Variants in ITPRIPL2 observed in about 807,000 individuals in gnomAD.
ITPRIPL2 encodes ITPRIP like 2.
In ITPRIPL2, 29 loss-of-function variants were observed where a neutral mutation model predicts 31.7. That is an observed-to-expected ratio of 0.91 (90% CI 0.68 to 1.25). The LOEUF (loss-of-function observed/expected upper bound fraction) is 1.25. Ranked by LOEUF, ITPRIPL2 falls within the 50% of genes most tolerant of loss-of-function variation. ITPRIPL2 has a pLI of 0.00. For synonymous variants in ITPRIPL2, 344 were observed against 343.4 expected (o/e 1.00, Z -0.02); for missense variants, 696 against 739.1 (o/e 0.94, Z 0.68).
rs1963451035 is a variant in ITPRIPL2 at position 19,116,876 on chromosome 16, A to G, written c.*807A>G. On this transcript the variant is annotated 3_prime_UTR_variant, in exon 1 of 1. Transcript: ENST00000381440. ...CAGCCAGCATGCTTGCCTAACTAACATCGCCGCAGGCCACAAGCTGGGATA... is the reference window on the plus strand; with the variant it reads ...CAGCCAGCATGCTTGCCTAACTAACGTCGCCGCAGGCCACAAGCTGGGATA... The G allele has an allele frequency of 1.8e-5, 3 of 167,126 alleles. No individual in the cohort carries two copies. Among genetic ancestry groups the G allele is most frequent in the African/African-American group, 7.2e-5 (3 of 41,478 alleles). The allele number at this position is 167,126 out of a possible 1,614,324, so 10.4% of individuals were successfully genotyped here. A position where few individuals can be genotyped will look rare whatever the true frequency, so the allele number is the denominator to read the frequency against.
chr16:19,115,003 G>T lies in ITPRIPL2; in HGVS notation c.542G>T (p.Arg181Leu), dbSNP rs749867202. ...AGCTTCGACGTGCTGGTGCCACTGCGCCTCCCGCCGCTTGTGGCGCTGGAG... is the reference window on the plus strand; with the variant it reads ...AGCTTCGACGTGCTGGTGCCACTGCTCCTCCCGCCGCTTGTGGCGCTGGAG... ...PDSFDVLVPL[R>L]LPPLVALEPR... The change falls in exon 1 of 1, where the codon CGC (arginine) becomes CTC (leucine). Residue 181 changes from arginine to leucine, a missense_variant. Physicochemically the swap from Arg to Leu is moderately radical, Grantham distance 102 (BLOSUM62 -2). Transcript: ENST00000381440. The T allele has an allele frequency of 1.3e-6, 2 of 1,598,680 alleles. No homozygotes were observed.
Position 19,118,154 on chromosome 16 carries a change from C to A in ITPRIPL2, c.*2085C>A, listed in dbSNP as rs1567551947. ...CATTGTTTACTACAGTGGGGGACAT[C>A]AAGGGTTGGAAGGATTATAAAGCTT... On this transcript the variant is annotated 3_prime_UTR_variant, in exon 1 of 1. Transcript: ENST00000381440. 1 of 166,278 alleles carries A rather than the reference C, an allele frequency of 6.0e-6. No individual in the cohort carries two copies. Among genetic ancestry groups the A allele is most frequent in the Non-Finnish European group, 1.5e-5 (1 of 67,996 alleles). The allele number at this position is 166,278 out of a possible 1,614,324, so 10.3% of individuals were successfully genotyped here.
Position 19,115,072 on chromosome 16 carries a change from G to A in ITPRIPL2, c.611G>A (p.Arg204His). ...GAGCCAGCGCTGGCCCCGGCCTTCCGCGGCTGCTTCTTGTGCGCCCTCAAG... is the reference window on the plus strand; with the variant it reads ...GAGCCAGCGCTGGCCCCGGCCTTCCACGGCTGCTTCTTGTGCGCCCTCAAG... The part of the protein sequence containing the change: ...GEEPALAPAF[R>H]GCFLCALKAP... The change falls in exon 1 of 1, where the codon CGC (arginine) becomes CAC (histidine). Residue 204 changes from arginine to histidine, a missense_variant. By Grantham distance (29) the Arg-to-His change is conservative. Coordinates refer to ENST00000381440, the MANE Select transcript of ITPRIPL2 (RefSeq NM_001034841.4). The A allele has an allele frequency of 1.3e-6, 2 of 1,599,004 alleles. No homozygotes were observed. The highest frequency in any genetic ancestry group is 1.7e-6 in the Non-Finnish European group (2 of 1,179,422).
Position 19,114,806 on chromosome 16 carries a change from G to A in ITPRIPL2, c.345G>A (p.Val115=). 6.2e-7 allele frequency: 1 copy of A among 1,610,134 alleles called. No homozygotes were observed. The highest frequency in any genetic ancestry group is 8.5e-7 in the Non-Finnish European group (1 of 1,178,780). Residue 115 remains valine, a synonymous_variant, in exon 1 of 1, where the codon GTG becomes GTA. Coordinates refer to ENST00000381440, the MANE Select transcript of ITPRIPL2 (RefSeq NM_001034841.4). ...ATGAGGTGCGCCTGTCTCCGCACGT[G>A]TTGGGCCACAGCAAGGCGCACGTGA... ...YEHEVRLSPH[V]LGHSKAHVSR...
rs1963450079 is a variant in ITPRIPL2, at chr16:19,116,809, G to A, written c.*740G>A. The A allele has an allele frequency of 6.0e-6, 1 of 167,072 alleles. No homozygotes were observed. Among genetic ancestry groups the A allele is most frequent in the African/African-American group, 2.4e-5 (1 of 41,454 alleles). The allele number at this position is 167,072 out of a possible 1,614,324, so 10.3% of individuals were successfully genotyped here. A position where few individuals can be genotyped will look rare whatever the true frequency, so the allele number is the denominator to read the frequency against. The stretch of plus-strand genomic sequence containing the variant: ...AGCACCAAGCATTGCATCTGAAAGG[G>A]AAGCCAGTTATATTTATTATTAAAT... On this transcript the variant is annotated 3_prime_UTR_variant, in exon 1 of 1. Coordinates refer to ENST00000381440, the MANE Select transcript of ITPRIPL2 (RefSeq NM_001034841.4).
In ITPRIPL2 at chr16:19,114,159, C is replaced by G. The variant is rs975394103; in HGVS notation, c.-303C>G. The G allele has an allele frequency of 1.4e-5, 5 of 363,104 alleles. No individual in the cohort carries two copies. The highest frequency in any genetic ancestry group is 1.5e-5 in the Non-Finnish European group (3 of 203,464). The allele number at this position is 363,104 out of a possible 1,614,324, so 22.5% of individuals were successfully genotyped here. Reference sequence around the variant, plus strand: ...GAGCCAGGCCGGGCCAGAAGCTGGCCGACGGCGGCGCGCGGGGGCGCCGGG... The same window carrying G: ...GAGCCAGGCCGGGCCAGAAGCTGGCGGACGGCGGCGCGCGGGGGCGCCGGG... On this transcript the variant is annotated 5_prime_UTR_variant, in exon 1 of 1. Transcript: ENST00000381440.
rs1188400220 is a variant in ITPRIPL2 at position 19,118,104 on chromosome 16, A to G, written c.*2035A>G. The G allele has an allele frequency of 6.0e-6, 1 of 166,110 alleles. No individual in the cohort carries two copies. The highest frequency in any genetic ancestry group is 2.4e-5 in the African/African-American group (1 of 41,250). 10.3% of individuals were successfully genotyped at this position (166,110 alleles called of 1,614,324 possible). On this transcript the variant is annotated 3_prime_UTR_variant, in exon 1 of 1. Transcript: ENST00000381440. Reference sequence around the variant, plus strand: ...ATTTTATATATATATATATTTCCATACTCAACCACAACTTCCTCTGTACTC... The same window carrying G: ...ATTTTATATATATATATATTTCCATGCTCAACCACAACTTCCTCTGTACTC...
At position 19,120,621 on chromosome 16, in the gene ITPRIPL2, A is replaced by T. The variant is rs1179859612; in HGVS notation, c.*4552A>T. On this transcript the variant is annotated 3_prime_UTR_variant, in exon 1 of 1. Coordinates refer to ENST00000381440, the MANE Select transcript of ITPRIPL2 (RefSeq NM_001034841.4). Reference sequence around the variant, plus strand: ...CTGGCTAATATATATATATATATATATATATTTTTTTTTTTTTTTTTTAGT... The same window carrying T: ...CTGGCTAATATATATATATATATATTTATATTTTTTTTTTTTTTTTTTAGT... 4 of 116,016 alleles carry T rather than the reference A, an allele frequency of 3.4e-5. No individual in the cohort carries two copies. Among genetic ancestry groups the T allele is most frequent in the African/African-American group, 1.6e-4 (4 of 25,632 alleles). The allele number at this position is 116,016 out of a possible 1,614,324, so 7.2% of individuals were successfully genotyped here. A position where few individuals can be genotyped will look rare whatever the true frequency, so the allele number is the denominator to read the frequency against.
chr16:19,116,023 C>G lies in ITPRIPL2; in HGVS notation c.1562C>G (p.Pro521Arg). ...GGPRYLARCPPPRSQRTQGFL... is the reference protein window; with the variant it reads ...GGPRYLARCPRPRSQRTQGFL... ...CCCCGCTACCTTGCCAGGTGCCCCC[C>G]ACCCCGGAGTCAGCGCACCCAGGGC... Residue 521 changes from proline (P) to arginine (R), a missense_variant, in exon 1 of 1, where the codon CCA becomes CGA. Pro to Arg is a moderately radical substitution (Grantham distance 103). Transcript: ENST00000381440. 6.2e-7 allele frequency: 1 copy of G among 1,608,346 alleles called. No homozygotes were observed. The highest frequency in any genetic ancestry group is 1.1e-5 in the South Asian group (1 of 90,524).
rs1312776633 is a variant in ITPRIPL2, at chr16:19,115,064, G to A, written c.603G>A (p.Pro201=). ...TGGGCGAGGAGCCAGCGCTGGCCCC[G>A]GCCTTCCGCGGCTGCTTCTTGTGCG... ...RSLGEEPALA[P]AFRGCFLCAL... is the part of the protein sequence containing the mutation. The change falls in exon 1 of 1, where the codon CCG becomes CCA. Residue 201 remains proline, a synonymous_variant. Transcript: ENST00000381440. 2.5e-6 allele frequency: 4 copies of A among 1,598,502 alleles called. No individual in the cohort carries two copies. Among genetic ancestry groups the A allele is most frequent in the Non-Finnish European group, 1.7e-6 (2 of 1,179,246 alleles).
chr16:19,120,206 C>CAACT lies in ITPRIPL2; in HGVS notation c.*4139_*4142dup. On this transcript the variant is annotated 3_prime_UTR_variant, in exon 1 of 1. Coordinates refer to ENST00000381440, the MANE Select transcript of ITPRIPL2 (RefSeq NM_001034841.4). ...AAGCGATCCTCCTGCCTCGGCCTCCCAACTAGCTGGGACCACAGGTATGTG... is the reference window on the plus strand; with the variant it reads ...AAGCGATCCTCCTGCCTCGGCCTCCCAACTAACTAGCTGGGACCACAGGTATGTG... The CAACT allele has an allele frequency of 6.2e-6, 1 of 161,520 alleles. No homozygotes were observed. Among genetic ancestry groups the CAACT allele is most frequent in the East Asian group, 1.9e-4 (1 of 5,186 alleles). The allele number at this position is 161,520 out of a possible 1,614,324, so 10.0% of individuals were successfully genotyped here. A position where few individuals can be genotyped will look rare whatever the true frequency, so the allele number is the denominator to read the frequency against.
rs960801946 is a variant in ITPRIPL2, at chr16:19,117,656, T to G, written c.*1587T>G. 2.4e-5 allele frequency: 4 copies of G among 167,038 alleles called. No individual in the cohort carries two copies. The highest frequency in any genetic ancestry group is 9.7e-5 in the African/African-American group (4 of 41,438). The allele number at this position is 167,038 out of a possible 1,614,324, so 10.3% of individuals were successfully genotyped here. A position where few individuals can be genotyped will look rare whatever the true frequency, so the allele number is the denominator to read the frequency against. On this transcript the variant is annotated 3_prime_UTR_variant, in exon 1 of 1. Coordinates refer to ENST00000381440, the MANE Select transcript of ITPRIPL2 (RefSeq NM_001034841.4). ...CTTCCTCAGACTCTTAAAGCTAAAA[T>G]TTGGAAGACAGAAATGCCTATGTGA...
Position 19,119,399 on chromosome 16 carries a change from G to T in ITPRIPL2, c.*3330G>T. 4.3e-6 allele frequency: 1 copy of T among 231,386 alleles called. No individual in the cohort carries two copies. Among genetic ancestry groups the T allele is most frequent in the Non-Finnish European group, 9.0e-6 (1 of 111,218 alleles). The allele number at this position is 231,386 out of a possible 1,614,324, so 14.3% of individuals were successfully genotyped here. A position where few individuals can be genotyped will look rare whatever the true frequency, so the allele number is the denominator to read the frequency against. On this transcript the variant is annotated 3_prime_UTR_variant, in exon 1 of 1. Transcript: ENST00000381440. ...AGAAACAGGGGTGGGAGGTGGGGGG[G>T]AAGCTGTGCCCACCTTTAAAGAGGG... is the stretch of plus-strand genomic sequence containing the variant.
Position 19,114,341 on chromosome 16 carries a change from C to T in ITPRIPL2, c.-121C>T. 1 of 748,802 alleles carries T rather than the reference C, an allele frequency of 1.3e-6. No homozygotes were observed. Among genetic ancestry groups the T allele is most frequent in the Non-Finnish European group, 1.8e-6 (1 of 546,384 alleles). The allele number at this position is 748,802 out of a possible 1,614,324, so 46.4% of individuals were successfully genotyped here. ...TCCCTCGGGCCTGCGTTCGGGAAGC[C>T]GCCGCGGAGGAGGAGACGGGGACAG... On this transcript the variant is annotated 5_prime_UTR_variant, in exon 1 of 1. Coordinates refer to ENST00000381440, the MANE Select transcript of ITPRIPL2 (RefSeq NM_001034841.4).
Position 19,115,476 on chromosome 16 carries a change from G to A in ITPRIPL2, c.1015G>A (p.Glu339Lys). 6.2e-7 allele frequency: 1 copy of A among 1,607,924 alleles called. No homozygotes were observed. The highest frequency in any genetic ancestry group is 8.5e-7 in the Non-Finnish European group (1 of 1,179,936). ...LPSAPLLELP[E>K]GLRAEALWGV... Reference sequence around the variant, plus strand: ...CAGCGCGCCCCTGTTGGAGCTCCCTGAGGGCCTGCGTGCGGAGGCACTGTG... The same window carrying A: ...CAGCGCGCCCCTGTTGGAGCTCCCTAAGGGCCTGCGTGCGGAGGCACTGTG... The change falls in exon 1 of 1, where the codon GAG becomes AAG. Residue 339 changes from glutamate (E) to lysine (K), a missense_variant. Glu to Lys is a moderately conservative substitution (Grantham distance 56). Coordinates refer to ENST00000381440, the MANE Select transcript of ITPRIPL2 (RefSeq NM_001034841.4).
chr16:19,116,378 C>A lies in ITPRIPL2; in HGVS notation c.*309C>A. The A allele has an allele frequency of 3.0e-6, 1 of 335,700 alleles. No individual in the cohort carries two copies. Among genetic ancestry groups the A allele is most frequent in the Non-Finnish European group, 5.6e-6 (1 of 177,088 alleles). The allele number at this position is 335,700 out of a possible 1,614,324, so 20.8% of individuals were successfully genotyped here. On this transcript the variant is annotated 3_prime_UTR_variant, in exon 1 of 1. Transcript: ENST00000381440. The stretch of plus-strand genomic sequence containing the variant: ...AGAAGGATGTGGCTTTTAGAGAAGT[C>A]CAGTAGAAGAAGCAAGAACTAGCTG...
rs1393211657 is a variant in ITPRIPL2, at chr16:19,114,323, G to A, written c.-139G>A. On this transcript the variant is annotated 5_prime_UTR_variant, in exon 1 of 1. Transcript: ENST00000381440. ...CCGAGCTGGAGGGCGGCCTCCCTCGGGCCTGCGTTCGGGAAGCCGCCGCGG... is the reference window on the plus strand; with the variant it reads ...CCGAGCTGGAGGGCGGCCTCCCTCGAGCCTGCGTTCGGGAAGCCGCCGCGG... 1 of 537,490 alleles carries A rather than the reference G, an allele frequency of 1.9e-6. No individual in the cohort carries two copies. Among genetic ancestry groups the A allele is most frequent in the African/African-American group, 2.0e-5 (1 of 50,850 alleles). 33.3% of individuals were successfully genotyped at this position (537,490 alleles called of 1,614,324 possible).
At position 19,115,961 on chromosome 16, in the gene ITPRIPL2, G is replaced by A. The variant is rs762986737; in HGVS notation, c.1500G>A (p.Trp500Ter). Residue 500 changes from tryptophan (W) to a stop codon, truncating the protein, a stop_gained, in exon 1 of 1, where the codon TGG (tryptophan) becomes TGA (stop). Coordinates refer to ENST00000381440, the MANE Select transcript of ITPRIPL2 (RefSeq NM_001034841.4). LOFTEE classifies it high-confidence loss of function. ...CAGCAGCGCGGTTGCTGTCCACGTG[G>A]CAAAGGCTGCCCCAGCTTCTCCGGG... Reference protein sequence around the residue: ...ELAAARLLSTWQRLPQLLRAY... With the variant: ...ELAAARLLST The A allele has an allele frequency of 2.5e-6, 4 of 1,612,810 alleles. No homozygotes were observed. The highest frequency in any genetic ancestry group is 2.2e-5 in the South Asian group (2 of 91,066).
rs1319769109 is a variant in ITPRIPL2, at chr16:19,120,632, T to A, written c.*4563T>A. On this transcript the variant is annotated 3_prime_UTR_variant, in exon 1 of 1. Coordinates refer to ENST00000381440, the MANE Select transcript of ITPRIPL2 (RefSeq NM_001034841.4). ...ATATATATATATATATATATTTTTT[T>A]TTTTTTTTTTTAGTAGAGATGGGGT... 4.8e-3 allele frequency: 601 copies of A among 124,886 alleles called. 4 individuals are homozygous for A. The highest frequency in any genetic ancestry group is 0.023 in the African/African-American group (548 of 24,342). 7.7% of individuals were successfully genotyped at this position (124,886 alleles called of 1,614,324 possible). A position where few individuals can be genotyped will look rare whatever the true frequency, so the allele number is the denominator to read the frequency against.
Sources: gnomAD v4.1 joint callset for allele counts on GRCh38, gnomAD v4.1.1 for gene constraint, MANE v1.5 for transcripts, NCBI Gene and HGNC (gene_info 2026-07-23, HGNC 2026-07-21) for gene names.